FRY: variants seen among roughly 807,000 people sequenced by gnomAD.
FRY encodes the protein protein furry homolog.
In FRY, 128 loss-of-function variants were observed where a neutral mutation model predicts 348.4. The ratio of observed to expected loss-of-function variants is 0.37; its 90% CI spans 0.32 to 0.43. The LOEUF is 0.43. Among genes scored for constraint, FRY ranks in the 20% least tolerant of loss-of-function variants. The pLI, the probability that FRY is intolerant of heterozygous loss-of-function variation, is 1.00. For missense variants in FRY, 2,736 were observed against 3,695.2 expected (o/e 0.74, Z 6.73); for synonymous variants, 1,370 against 1,374.7 (o/e 1.00, Z 0.08).
At chr13:32,035,536 T>C (rs10492389) in intron 1 of FRY, among the ~76,000 whole-genome samples, 12,532 of 152,186 alleles carry the variant, frequency 0.082, 1,526 homozygotes, top group African/African-American at 0.27. Flanking sequence ...CTGTATACCA[T>C]TTCACAGAGC....
intron 24 of FRY, 90 bp downstream of exon 24, chr13:32,183,124 C>A (rs1882808611): frequency 1.3e-6 from 1 of 744,432 alleles, no homozygotes; most frequent in Admixed American, 2.2e-5. Flanking sequence ...CTAAAGAATA[C>A]AAACCCCTAA....
chr13:32,083,247 T>A (rs2138549781), intron 2 of FRY, among the ~76,000 whole-genome samples: 1 of 152,330 alleles, frequency 6.6e-6, no homozygotes, highest in South Asian at 2.1e-4. Flanking sequence ...ATTTTAATTT[T>A]GATGACTATA....
intron 19 of FRY, among the ~76,000 whole-genome samples, chr13:32,173,825 C>A (rs1016736765): frequency 1.3e-5 from 2 of 152,190 alleles, no homozygotes; most frequent in Non-Finnish European, 2.9e-5. Context: ...GGCTATGAAT[C>A]ATTTCCTTCA....
At chr13:32,180,733 C>A (rs1001258246) in intron 23 of FRY, among the ~76,000 whole-genome samples, 2 of 152,040 alleles carry the variant, frequency 1.3e-5, no homozygotes, top group Non-Finnish European at 2.9e-5. Context: ...CCTATAAAGA[C>A]AAATAAAATC....
chr13:32,142,772 T>A (rs934275751), intron 11 of FRY, among the ~76,000 whole-genome samples: 9 of 152,350 alleles, frequency 5.9e-5, no homozygotes, highest in South Asian at 4.1e-4. Flanking sequence ...TGATTTTGAA[T>A]ACTTTCTGGT....
At chr13:32,130,198 G>A (rs933868624) in intron 7 of FRY, among the ~76,000 whole-genome samples, 11 of 151,264 alleles carry the variant, frequency 7.3e-5, no homozygotes, top group African/African-American at 1.5e-4. Context: ...ACACCACCAC[G>A]CCCGGCTAAT....
At chr13:32,245,745 C>T (rs746264401) in intron 47 of FRY, among the ~76,000 whole-genome samples, 3 of 152,162 alleles carry the variant, frequency 2.0e-5, no homozygotes, top group Non-Finnish European at 4.4e-5. Context: ...TGCAGGGCCA[C>T]GATGGGGTTA....
At chr13:32,289,475 T>C (rs999607745) in intron 58 of FRY, among the ~76,000 whole-genome samples, 158 bp from the exon 59 acceptor site, 30 of 152,356 alleles carry the variant, frequency 2.0e-4, no homozygotes, top group African/African-American at 6.7e-4. Context: ...CTGGTATTTA[T>C]TTAATGACTG....
At chr13:32,216,550 T>C (rs2138379958) in intron 35 of FRY, among the ~76,000 whole-genome samples, 1 of 152,356 alleles carries the variant, frequency 6.6e-6, no homozygotes, top group Admixed American at 6.5e-5. Flanking sequence ...GCACAGTTCA[T>C]GGTAGCTGGA....
intron 3 of FRY, among the ~76,000 whole-genome samples, chr13:32,104,763 G>A (rs1001556456): frequency 1.3e-5 from 2 of 152,136 alleles, no homozygotes; most frequent in African/African-American, 2.4e-5. Context: ...ATCATGGGGG[G>A]CCAGTCTTCC....
At chr13:32,066,396 C>T (rs1874262633) in intron 1 of FRY, among the ~76,000 whole-genome samples, 1 of 152,214 alleles carries the variant, frequency 6.6e-6, no homozygotes, top group Admixed American at 6.5e-5. Context: ...AAAGTCATTT[C>T]TGTTCCATTA....
chr13:32,057,983 T>G (rs1472260027), intron 1 of FRY, among the ~76,000 whole-genome samples: 1 of 151,972 alleles, frequency 6.6e-6, no homozygotes, highest in African/African-American at 2.4e-5. Flanking sequence ...TAAATAAAAT[T>G]TACCGTCTTG....
intron 59 of FRY, among the ~76,000 whole-genome samples, chr13:32,292,919 A>G (rs564402961): frequency 2.3e-3 from 346 of 152,316 alleles, no homozygotes; most frequent in African/African-American, 7.8e-3. Flanking sequence ...AGCCATTAAC[A>G]TTAAGGCAAG....
intron 1 of FRY, among the ~76,000 whole-genome samples, chr13:32,051,112 A>G (rs964616337): frequency 6.6e-6 from 1 of 152,186 alleles, no homozygotes; most frequent in African/African-American, 2.4e-5. Context: ...ATTCATGTAG[A>G]TACATACTTA....
chr13:32,254,510 G>A, intron 51 of FRY, 116 bp downstream of exon 51: 7 of 1,067,032 alleles, frequency 6.6e-6, no homozygotes, highest in South Asian at 1.3e-5. Flanking sequence ...TTGGAAAGTT[G>A]TAAACTTTAT....
At chr13:32,126,518 C>T (rs369233643) in intron 7 of FRY, among the ~76,000 whole-genome samples, 1 of 152,274 alleles carries the variant, frequency 6.6e-6, no homozygotes, top group Non-Finnish European at 1.5e-5. Flanking sequence ...CAGTATTTGT[C>T]CCTATTCTGC....
chr13:32,175,419 C>T, intron 19 of FRY, 127 bp from the exon 20 acceptor site: 2 of 726,146 alleles, frequency 2.8e-6, no homozygotes, highest in East Asian at 2.6e-5. Context: ...TGGGCACTCA[C>T]TTTTCTGTGA....
At chr13:32,241,218 G>A in intron 46 of FRY, among the ~76,000 whole-genome samples, 1 of 152,174 alleles carries the variant, frequency 6.6e-6, no homozygotes, top group East Asian at 1.9e-4. Context: ...TTTAAAATAA[G>A]GTGAAGTGTA....
chr13:32,273,938 T>C (rs543814009), intron 55 of FRY, among the ~76,000 whole-genome samples: 11 of 152,338 alleles, frequency 7.2e-5, no homozygotes, highest in Admixed American at 6.5e-4. Flanking sequence ...CTGAAACTTT[T>C]TGAGTGCCAA....
Sources: gnomAD v4.1 joint callset for allele counts (sites outside exome capture counted in the v4.1 genomes callset) on GRCh38, gnomAD v4.1.1 for gene constraint, MANE v1.5 for transcripts, NCBI Gene and HGNC (gene_info 2026-07-23, HGNC 2026-07-21) for gene names.